The following GAK variants were observed in gnomAD, a reference collection of about 807,000 sequenced individuals.
The protein encoded by GAK is cyclin-G-associated kinase.
A neutral mutation model predicts 143.9 loss-of-function variants in GAK; 79 were observed. That is an observed-to-expected ratio of 0.55 (90% confidence interval 0.46 to 0.66). The LOEUF (loss-of-function observed/expected upper bound fraction) is 0.66. Among genes scored for constraint, GAK ranks in the 30% least tolerant of loss-of-function variants. The pLI, the probability that GAK is intolerant of heterozygous loss-of-function variation, is 0.00. For missense variants in GAK, 1,693 were observed against 1,779.7 expected, an observed-to-expected ratio of 0.95 and a Z score of 0.88; for synonymous variants, 881 against 765.5, an observed-to-expected ratio of 1.15 and a Z score of -2.49.
At chr4:909,966 A>AGC (rs202128085) in intron 4 of GAK, among the ~76,000 whole-genome samples, 4,036 of 151,996 alleles carry the variant, frequency 0.027, 69 homozygotes, top group Non-Finnish European at 0.04. Context: ...GGCCACGTCA[A>AGC]GCACCCATCC....
Position 893,956 on chromosome 4 carries a change from A to G in GAK, c.795T>C (p.Asp265=), listed in dbSNP as rs1225668351. The G allele has an allele frequency of 1.2e-6, 2 of 1,612,862 alleles. No homozygotes were observed. The highest frequency in any genetic ancestry group is 3.3e-5 in the Admixed American group (2 of 59,936). ...CATTGACTATTCGAAGTTTCGCTCC[A>G]TCCTCAAAAGGGTGCTGCCGGAAGC... ...LLCFRQHPFE[D]GAKLRIVNGK... The change falls in exon 8 of 28, where the codon GAT becomes GAC. Residue 265 remains aspartate (D), a synonymous_variant. Transcript: ENST00000314167.
intron 11 of GAK, chr4:887,769 A>C (rs1314502862): frequency 2.0e-5 from 3 of 152,386 alleles, no homozygotes; most frequent in Non-Finnish European, 2.9e-5. Context: ...ATGTGCTCAT[A>C]CACGTGCCTG....
At position 850,923 on chromosome 4, in the gene GAK, C is replaced by A; in HGVS notation, c.3657+13G>T. The A allele has an allele frequency of 6.2e-7, 1 of 1,608,720 alleles. No individual in the cohort carries two copies. The highest frequency in any genetic ancestry group is 8.5e-7 in the Non-Finnish European group (1 of 1,176,750). Reference sequence around the variant, plus strand: ...GCCTCTGGGCTCCCAGGAAGAGCTGCCCACCCACCCACCTTCAGCTTGAGT... The same window carrying A: ...GCCTCTGGGCTCCCAGGAAGAGCTGACCACCCACCCACCTTCAGCTTGAGT... On this transcript the variant is annotated intron_variant, in intron 26 of 27. Transcript: ENST00000314167.
At chr4:889,445 TA>T (rs33930949) in intron 10 of GAK, among the ~76,000 whole-genome samples, 29,765 of 148,536 alleles carry the variant, frequency 0.2, 3,115 homozygotes, top group East Asian at 0.39. Context: ...CAAGTGGTGT[TA>T]AAAAAAAAAC....
chr4:866,428 T>C lies in GAK; in HGVS notation c.2979A>G (p.Pro993=). ...EFLNSDSVTV[P]PSFPSAHSAP... is the part of the protein sequence containing the mutation. ...CACTGTGGGCAGACGGGAAGGATGG[T>C]GGGACGGTCACAGAGTCCGAATTGA... is the stretch of plus-strand genomic sequence containing the variant. The change falls in exon 22 of 28, where the codon CCA becomes CCG. Residue 993 remains proline (P), a synonymous_variant. Transcript: ENST00000314167. 1 of 1,614,106 alleles carries C rather than the reference T, an allele frequency of 6.2e-7. No homozygotes were observed. Among genetic ancestry groups the C allele is most frequent in the Non-Finnish European group, 8.5e-7 (1 of 1,179,978 alleles).
At chr4:865,000 C>A in intron 23 of GAK, 122 bp downstream of exon 23, 2 of 1,335,446 alleles carry the variant, frequency 1.5e-6, no homozygotes. Flanking sequence ...CCACCAAGCA[C>A]GCCCCAGCCC....
At chr4:897,946 C>A in intron 6 of GAK, 87 bp downstream of exon 6, 1 of 1,432,664 alleles carries the variant, frequency 7.0e-7, no homozygotes, top group Non-Finnish European at 9.3e-7. Flanking sequence ...AGACTCAAAG[C>A]ACCCCGGCGG....
intron 24 of GAK, among the ~76,000 whole-genome samples, chr4:858,596 A>C (rs1169139014): frequency 1.3e-5 from 2 of 152,272 alleles, no homozygotes; most frequent in Non-Finnish European, 2.9e-5. Context: ...GATGTCCTCA[A>C]GACATAGTAA....
chr4:896,596 A>G (rs1358891616), intron 6 of GAK, 47 bp from the exon 7 acceptor site: 4 of 1,434,166 alleles, frequency 2.8e-6, no homozygotes, highest in Non-Finnish European at 3.9e-6. Context: ...TCCCACAAAC[A>G]GTATTTTTTA....
rs1441303048 is a variant in GAK at position 850,008 on chromosome 4, T to C, written c.3718A>G (p.Thr1240Ala). 5 of 1,609,078 alleles carry C rather than the reference T, an allele frequency of 3.1e-6. No homozygotes were observed. The highest frequency in any genetic ancestry group is 1.7e-5 in the Admixed American group (1 of 59,794). The stretch of plus-strand genomic sequence containing the variant: ...CGGCTCTCCCCGTCCCACAGCACTG[T>C]GTGCAGCGTGGACAGCAGGGCCCGG... Reference protein sequence around the residue: ...NIRALLSTLHTVLWDGESRWT... With the variant: ...NIRALLSTLHAVLWDGESRWT... The change falls in exon 27 of 28, where the codon ACA becomes GCA. Residue 1240 changes from threonine (T) to alanine (A), a missense_variant. Thr to Ala is a moderately conservative substitution (Grantham distance 58). This residue lies in a region of GAK where 822 missense variants were observed against 788.7 expected (regional missense o/e 1.04). Coordinates refer to ENST00000314167, the MANE Select transcript of GAK (RefSeq NM_005255.4).
intron 1 of GAK, among the ~76,000 whole-genome samples, chr4:928,447 C>T (rs1009377144): frequency 1.3e-5 from 2 of 152,176 alleles, no homozygotes; most frequent in Admixed American, 6.5e-5. Flanking sequence ...AGGGGGATCA[C>T]GTAGGCCCAG....
intron 1 of GAK, among the ~76,000 whole-genome samples, chr4:928,215 G>A (rs1390322144): frequency 6.6e-6 from 1 of 152,126 alleles, no homozygotes; most frequent in Non-Finnish European, 1.5e-5. Flanking sequence ...GCGCCACCAT[G>A]CCCAGCTAGT....
chr4:864,219 G>T (rs1750752813), intron 23 of GAK, among the ~76,000 whole-genome samples: 1 of 152,086 alleles, frequency 6.6e-6, no homozygotes, highest in Non-Finnish European at 1.5e-5. Context: ...AACTTAGCTG[G>T]GCATGGTGGC....
At chr4:918,788 G>C (rs1005903586) in intron 1 of GAK, among the ~76,000 whole-genome samples, 1 of 152,068 alleles carries the variant, frequency 6.6e-6, no homozygotes, top group Non-Finnish European at 1.5e-5. Flanking sequence ...AAGGCAGAAG[G>C]CTCCAAAGGC....
chr4:849,836 C>CT (rs1412087808), intron 27 of GAK, 56 bp downstream of exon 27: 1 of 944,732 alleles, frequency 1.1e-6, no homozygotes, highest in Non-Finnish European at 1.5e-6. Flanking sequence ...GGGGCAGGAC[C>CT]CCCCCCCCGC....
intron 11 of GAK, chr4:886,097 G>A (rs1252843323): frequency 1.3e-5 from 2 of 152,254 alleles, no homozygotes; most frequent in Admixed American, 1.3e-4. Flanking sequence ...AGAACTCACT[G>A]TTGCTTCTAA....
At chr4:902,603 A>AAAAAAAAAAAAAAAC (rs1560401445) in intron 5 of GAK, among the ~76,000 whole-genome samples, 6 of 149,652 alleles carry the variant, frequency 4.0e-5, no homozygotes, top group Non-Finnish European at 8.9e-5. Flanking sequence ...ACTCAAAAAA[A>AAAAAAAAAAAAAAAC]AAAAAAAAAA....
chr4:869,403 C>T (rs932812584), intron 19 of GAK: 31 of 140,032 alleles, frequency 2.2e-4, no homozygotes, highest in African/African-American at 6.8e-4. Context: ...CACAGATGCA[C>T]GGTACACATG....
intron 23 of GAK, among the ~76,000 whole-genome samples, chr4:864,048 G>T (rs1750723883): frequency 6.6e-6 from 1 of 150,984 alleles, no homozygotes; most frequent in African/African-American, 2.4e-5. Context: ...CAAAAAACCA[G>T]ACTACAGTAT....
Sources: gnomAD v4.1 joint callset for allele counts (sites outside exome capture counted in the v4.1 genomes callset) on GRCh38, gnomAD v4.1.1 for gene constraint, gnomAD v4.1.1 regional missense constraint, MANE v1.5 for transcripts, NCBI Gene and HGNC (gene_info 2026-07-23, HGNC 2026-07-21) for gene names.